Variants in NBEA observed in about 807,000 individuals in gnomAD.
NBEA encodes the protein lysosomal-trafficking regulator 2.
A neutral mutation model predicts 343.4 loss-of-function variants in NBEA; 44 were observed. The ratio of observed to expected loss-of-function variants is 0.13; its 90% CI spans 0.10 to 0.16. The LOEUF (loss-of-function observed/expected upper bound fraction) is 0.16, where lower values mean the gene tolerates loss of function less well. Ranked by LOEUF, NBEA falls within the 10% of genes least tolerant of loss-of-function variation. The pLI, the probability that NBEA is intolerant of heterozygous loss-of-function variation, is 1.00. For synonymous variants in NBEA, 1,175 were observed against 1,238.7 expected (o/e 0.95, Z 1.08); for missense variants, 2,555 against 3,631.3 (o/e 0.70, Z 7.62).
At chr13:34,948,450 C>T (rs1279051211) in intron 1 of NBEA, among the ~76,000 whole-genome samples, 1 of 152,174 alleles carries the variant, frequency 6.6e-6, no homozygotes, top group Non-Finnish European at 1.5e-5. Context: ...AAGCAAACAA[C>T]CTCATGATTC....
rs971803331 is a variant in NBEA, at chr13:34,942,330, G to C, written c.-491G>C. ...TGGCGGAGTGAGCGGCGGCGTCGGG[G>C]CTTCACAACAACAGTGGTGGCCGTA... On this transcript the variant is annotated 5_prime_UTR_variant, in exon 1 of 59. Transcript: ENST00000379939. 6.5e-6 allele frequency: 1 copy of C among 153,770 alleles called. No homozygotes were observed. Among genetic ancestry groups the C allele is most frequent in the African/African-American group, 2.4e-5 (1 of 41,474 alleles). 9.5% of individuals were successfully genotyped at this position (153,770 alleles called of 1,614,324 possible). A position where few individuals can be genotyped will look rare whatever the true frequency, so the allele number is the denominator to read the frequency against.
intron 12 of NBEA, 102 bp from the exon 13 acceptor site, chr13:35,110,708 G>T: frequency 1.2e-6 from 1 of 815,544 alleles, no homozygotes. Flanking sequence ...GTCATTTCTT[G>T]GTCTTTACTA....
intron 17 of NBEA, among the ~76,000 whole-genome samples, chr13:35,125,708 A>G (rs532173177): frequency 6.6e-6 from 1 of 152,228 alleles, no homozygotes; most frequent in East Asian, 1.9e-4. Context: ...CAGATAAAAA[A>G]CATGGAAAAA....
intron 1 of NBEA, among the ~76,000 whole-genome samples, chr13:35,033,889 T>C (rs1222635181): frequency 6.6e-6 from 1 of 151,814 alleles, no homozygotes; most frequent in East Asian, 1.9e-4. Flanking sequence ...TTTATTATTC[T>C]AATAGTTTTC....
rs147994086 is a variant in NBEA at position 34,999,204 on chromosome 13, TA to T, written c.295-41724del. 7.4e-3 allele frequency among the ~76,000 whole-genome samples: 1,121 copies of T among 152,274 alleles called. 12 individuals carry two copies. Among genetic ancestry groups the T allele is most frequent in the African/African-American group, 0.026 (1,060 of 41,546 alleles). On this transcript the variant is annotated intron_variant, in intron 1 of 58. Coordinates refer to ENST00000379939, the MANE Select transcript of NBEA (RefSeq NM_001385012.1). ...TTTGGTCAGTCAATAAATATATTTT[TA>T]AAAATTTTTGTGGGTATATAATATG...
chr13:35,109,339 T>C lies in NBEA; in HGVS notation c.1730T>C (p.Phe577Ser). 6.2e-7 allele frequency: 1 copy of C among 1,612,462 alleles called. No homozygotes were observed. The highest frequency in any genetic ancestry group is 2.2e-5 in the East Asian group (1 of 44,716). The change falls in exon 12 of 59, where the codon TTT becomes TCT. Residue 577 changes from phenylalanine to serine, a missense_variant. By Grantham distance (155) the Phe-to-Ser change is radical. Transcript: ENST00000379939. ...GCTGTCCTGGAGCAATTTTTATCTTTTGCAAAATACCTTGATGGTTTATCT... is the reference window on the plus strand; with the variant it reads ...GCTGTCCTGGAGCAATTTTTATCTTCTGCAAAATACCTTGATGGTTTATCT... ...TRAVLEQFLS[F>S]AKYLDGLSHG...
At chr13:35,636,245 A>G (rs2083685553) in intron 49 of NBEA, among the ~76,000 whole-genome samples, 1 of 152,240 alleles carries the variant, frequency 6.6e-6, no homozygotes, top group Admixed American at 6.5e-5. Context: ...TAGACATTTC[A>G]GTTAGATATT....
chr13:35,227,727 TAGG>T (rs963246602), intron 33 of NBEA, among the ~76,000 whole-genome samples: 5 of 152,006 alleles, frequency 3.3e-5, no homozygotes, highest in African/African-American at 1.2e-4. Context: ...GCTAAGTACC[TAGG>T]AGAATACAAA....
intron 13 of NBEA, among the ~76,000 whole-genome samples, chr13:35,115,187 G>A (rs1483859245): frequency 2.0e-5 from 3 of 152,070 alleles, no homozygotes; most frequent in South Asian, 2.1e-4. Context: ...TACCAGTCTT[G>A]TATATCTTTC....
chr13:35,220,012 T>TA (rs1276510427), intron 33 of NBEA, among the ~76,000 whole-genome samples: 2 of 152,138 alleles, frequency 1.3e-5, no homozygotes, highest in African/African-American at 4.8e-5. Flanking sequence ...ACCACGATGC[T>TA]AGATCATGCT....
intron 16 of NBEA, among the ~76,000 whole-genome samples, chr13:35,122,404 G>T (rs573983654): frequency 6.6e-6 from 1 of 152,204 alleles, no homozygotes; most frequent in Admixed American, 6.5e-5. Flanking sequence ...AAAATGATGA[G>T]TTCATGTCCT....
chr13:34,994,198 C>CAAAA (rs57966701), intron 1 of NBEA, among the ~76,000 whole-genome samples: 6 of 29,914 alleles, frequency 2.0e-4, no homozygotes, highest in African/African-American at 2.9e-4. Context: ...GCTCTGTCTC[C>CAAAA]AAAAAAAAAA....
rs550231550 is a variant in NBEA at position 35,381,799 on chromosome 13, G to A, written c.6179+29476G>A. On this transcript the variant is annotated intron_variant, in intron 38 of 58. Coordinates refer to ENST00000379939, the MANE Select transcript of NBEA (RefSeq NM_001385012.1). ...AACTGGGAGTTCATAATAAAAAGAA[G>A]GTAATCACCTTAATCCTTAATGAAA... 2.6e-5 allele frequency among the ~76,000 whole-genome samples: 4 copies of A among 152,054 alleles called. No homozygotes were observed. The South Asian group carries it at 8.3e-4, about 32-fold the overall frequency.
chr13:35,521,371 T>C (rs2077705862), intron 41 of NBEA, among the ~76,000 whole-genome samples: 1 of 152,170 alleles, frequency 6.6e-6, no homozygotes, highest in South Asian at 2.1e-4. Context: ...ATTACAAGTA[T>C]GAATATTCAG....
At chr13:34,953,600 A>G (rs2059408940) in intron 1 of NBEA, among the ~76,000 whole-genome samples, 1 of 152,220 alleles carries the variant, frequency 6.6e-6, no homozygotes, top group South Asian at 2.1e-4. Context: ...TTTCAGATTT[A>G]GTACCCACAC....
rs141242484 is a variant in NBEA at position 35,550,221 on chromosome 13, A to G, written c.6586-256A>G. Among the ~76,000 whole-genome samples, 148 of 152,274 alleles carry G rather than the reference A, an allele frequency of 9.7e-4. 1 individual carries two copies. Among genetic ancestry groups the G allele is most frequent in the African/African-American group, 3.4e-3 (141 of 41,564 alleles). Reference sequence around the variant, plus strand: ...CAATTAATTATATACAAGACCCAAAAGTGATAATATATTTTCGGTTTTAAG... The same window carrying G: ...CAATTAATTATATACAAGACCCAAAGGTGATAATATATTTTCGGTTTTAAG... On this transcript the variant is annotated intron_variant, in intron 41 of 58. Coordinates refer to ENST00000379939, the MANE Select transcript of NBEA (RefSeq NM_001385012.1).
At chr13:35,445,425 G>A (rs907449968) in intron 39 of NBEA, among the ~76,000 whole-genome samples, 1 of 151,836 alleles carries the variant, frequency 6.6e-6, no homozygotes, top group Non-Finnish European at 1.5e-5. Context: ...AGAAAATGTG[G>A]AAAATACTTA....
At chr13:35,297,063 T>C in intron 35 of NBEA, among the ~76,000 whole-genome samples, 1 of 151,972 alleles carries the variant, frequency 6.6e-6, no homozygotes. Context: ...AACCAGGAAA[T>C]TGATATTAAT....
chr13:35,331,249 T>A (rs1419398456), intron 36 of NBEA, among the ~76,000 whole-genome samples: 1 of 152,038 alleles, frequency 6.6e-6, no homozygotes, highest in African/African-American at 2.4e-5. Context: ...GAAATTACAC[T>A]GAGGTATTAA....
Sources: gnomAD v4.1 joint callset for allele counts (sites outside exome capture counted in the v4.1 genomes callset) on GRCh38, gnomAD v4.1.1 for gene constraint, MANE v1.5 for transcripts, NCBI Gene and HGNC (gene_info 2026-07-23, HGNC 2026-07-21) for gene names.